The following DMXL1 variants were observed in gnomAD, a reference collection of about 807,000 sequenced individuals.
DMXL1 encodes the protein Dmx like 1, also known as dmX-like protein 1.
Under a neutral mutation model 319.2 loss-of-function variants are expected in DMXL1, and 99 were observed. The observed-to-expected ratio is 0.31, with a 90% CI of 0.26 to 0.37. DMXL1 has a LOEUF of 0.37. Ranked by LOEUF, DMXL1 falls within the 10% of genes least tolerant of loss-of-function variation. The probability of loss-of-function intolerance (pLI) is 1.00; values close to 1 mark genes in which losing one functional copy is unlikely to be tolerated. For missense variants in DMXL1, 3,745 were observed against 3,595.6 expected, an observed-to-expected ratio of 1.04 and a Z score of -1.06; for synonymous variants, 1,385 against 1,235.2, an observed-to-expected ratio of 1.12 and a Z score of -2.54.
At chr5:119,113,993 A>T (rs915055339) in intron 5 of DMXL1, among the ~76,000 whole-genome samples, 1 of 152,206 alleles carries the variant, frequency 6.6e-6, no homozygotes, top group Non-Finnish European at 1.5e-5. Context: ...TTGAGAAGAA[A>T]AGGCAAGTAT....
chr5:119,239,124 G>A, intron 41 of DMXL1, 44 bp downstream of exon 41: 1 of 1,595,384 alleles, frequency 6.3e-7, no homozygotes, highest in Non-Finnish European at 8.6e-7. Context: ...AAGTATAGCT[G>A]AACTTTTTTT....
intron 30 of DMXL1, 139 bp downstream of exon 30, chr5:119,194,109 T>G (rs1779182095): frequency 1.8e-6 from 1 of 556,154 alleles, no homozygotes; most frequent in Non-Finnish European, 2.9e-6. Flanking sequence ...GTTGAAATTG[T>G]TAAATTCCTT....
At chr5:119,213,791 G>C (rs527296233) in intron 34 of DMXL1, among the ~76,000 whole-genome samples, 4 of 152,210 alleles carry the variant, frequency 2.6e-5, no homozygotes, top group South Asian at 4.1e-4. Flanking sequence ...AGTCACCACT[G>C]ACTTCCAGTA....
At chr5:119,119,932 G>C (rs1425197569) in intron 8 of DMXL1, among the ~76,000 whole-genome samples, 1 of 151,974 alleles carries the variant, frequency 6.6e-6, no homozygotes, top group Non-Finnish European at 1.5e-5. Flanking sequence ...CCAGGATGGA[G>C]TGTAGTGGGG....
At chr5:119,112,425 TA>T (rs1360999818) in intron 5 of DMXL1, among the ~76,000 whole-genome samples, 2 of 152,132 alleles carry the variant, frequency 1.3e-5, no homozygotes, top group African/African-American at 4.8e-5. Context: ...TATGAACAGA[TA>T]GGGGTAGATA....
intron 39 of DMXL1, 81 bp downstream of exon 39, chr5:119,233,548 A>G: frequency 1.7e-6 from 2 of 1,193,480 alleles, no homozygotes; most frequent in Non-Finnish European, 2.4e-6. Context: ...TTCTGAAAAG[A>G]ACAGCTCCGT....
chr5:119,128,216 A>G (rs1303281801), intron 9 of DMXL1: 1 of 406,630 alleles, frequency 2.5e-6, no homozygotes, highest in Non-Finnish European at 4.7e-6. Context: ...GAATCTGGAT[A>G]CTCTGGAGAA....
At position 119,098,089 on chromosome 5, in the gene DMXL1, A is replaced by C. The variant is rs147588798; in HGVS notation, c.198A>C (p.Ser66=). 8.8e-6 allele frequency: 14 copies of C among 1,599,416 alleles called. No homozygotes were observed. Among genetic ancestry groups the C allele is most frequent in the Non-Finnish European group, 1.2e-5 (14 of 1,176,156 alleles). ...TTCAAGTGGGATGTGTAGACTGTTC[A>C]ATGCAACAAGGCAAGGTTTGTAATC... is the stretch of plus-strand genomic sequence containing the variant. ...GNIQVGCVDC[S]MQQGKIAASY... The change falls in exon 2 of 44, where the codon TCA becomes TCC. Residue 66 remains serine (S), a synonymous_variant. Coordinates refer to ENST00000539542, the MANE Select transcript of DMXL1 (RefSeq NM_001290321.3).
In DMXL1 at chr5:119,208,647, T is replaced by C. The variant is rs554476910; in HGVS notation, c.7926+1751T>C. The stretch of plus-strand genomic sequence containing the variant: ...AGTCTTTTTGAGGGGAGGGTTAACA[T>C]CATTTTGGCCAGCATTTTTCCAAGC... On this transcript the variant is annotated intron_variant, in intron 34 of 43. Coordinates refer to ENST00000539542, the MANE Select transcript of DMXL1 (RefSeq NM_001290321.3). Among the ~76,000 whole-genome samples the C allele has an allele frequency of 1.1e-4, 16 of 152,274 alleles. No individual in the cohort carries two copies. The South Asian group carries it at 2.5e-3, about 24-fold the overall frequency.
At chr5:119,073,954 C>T (rs1211581471) in intron 1 of DMXL1, among the ~76,000 whole-genome samples, 1 of 149,956 alleles carries the variant, frequency 6.7e-6, no homozygotes, top group Non-Finnish European at 1.5e-5. Context: ...GTTTCGCTGT[C>T]GTTGCCCAGG....
chr5:119,122,477 C>T lies in DMXL1; in HGVS notation c.1102+1338C>T, dbSNP rs577028919. On this transcript the variant is annotated intron_variant, in intron 9 of 43. Transcript: ENST00000539542. Reference sequence around the variant, plus strand: ...ACCTCCCTCCCAGACGGGGTGGCTGCCAGGCGGAGATGCTCCTCACTTCCC... The same window carrying T: ...ACCTCCCTCCCAGACGGGGTGGCTGTCAGGCGGAGATGCTCCTCACTTCCC... Among the ~76,000 whole-genome samples the T allele has an allele frequency of 1.7e-4, 26 of 151,498 alleles. 1 individual carries two copies. The highest frequency in any genetic ancestry group is 3.2e-4 in the Non-Finnish European group (22 of 67,698).
chr5:119,095,163 T>G (rs1284190507), intron 1 of DMXL1, among the ~76,000 whole-genome samples: 1 of 152,194 alleles, frequency 6.6e-6, no homozygotes, highest in Non-Finnish European at 1.5e-5. Flanking sequence ...CCAAGTTCAA[T>G]AATTTTATTT....
Position 119,121,029 on chromosome 5 carries a change from C to T in DMXL1, c.992C>T (p.Thr331Met), listed in dbSNP as rs529711694. The change falls in exon 9 of 44, where the codon ACG (threonine) becomes ATG (methionine). Residue 331 changes from threonine to methionine, a missense_variant. Thr to Met is a moderately conservative substitution (Grantham distance 81). Around this residue, in one of 4 missense-constraint regions of DMXL1, gnomAD observed 2,096 missense variants for 1,985.4 expected, o/e 1.06. Coordinates refer to ENST00000539542, the MANE Select transcript of DMXL1 (RefSeq NM_001290321.3). ...AGATCACTTGCTCTTGTAGCACATACGGGATATCTACCACATCAGCAGGAT... is the reference window on the plus strand; with the variant it reads ...AGATCACTTGCTCTTGTAGCACATATGGGATATCTACCACATCAGCAGGAT... ...RRRSLALVAH[T>M]GYLPHQQDPH... 8.1e-6 allele frequency: 13 copies of T among 1,613,618 alleles called. No homozygotes were observed. Among genetic ancestry groups the T allele is most frequent in the East Asian group, 4.5e-5 (2 of 44,866 alleles).
chr5:119,185,866 G>C (rs1777627649), intron 28 of DMXL1, among the ~76,000 whole-genome samples: 1 of 151,660 alleles, frequency 6.6e-6, no homozygotes, highest in Non-Finnish European at 1.5e-5. Context: ...TCAATTAATT[G>C]CTTCTTTAAT....
At chr5:119,125,066 C>A (rs1763218253) in intron 9 of DMXL1, among the ~76,000 whole-genome samples, 1 of 152,122 alleles carries the variant, frequency 6.6e-6, no homozygotes, top group Admixed American at 6.5e-5. Context: ...GCAATAGATA[C>A]ATTAAATTTA....
chr5:119,183,848 A>C (rs137963156), intron 28 of DMXL1, among the ~76,000 whole-genome samples: 4 of 152,360 alleles, frequency 2.6e-5, no homozygotes, highest in African/African-American at 9.6e-5. Flanking sequence ...CATTCATTTT[A>C]CAAATGAGTC....
intron 1 of DMXL1, among the ~76,000 whole-genome samples, chr5:119,073,721 T>C (rs539926535): frequency 1.2e-4 from 19 of 152,138 alleles, no homozygotes; most frequent in Non-Finnish European, 2.8e-4. Flanking sequence ...TTCAGCTCTC[T>C]TTAGTTTTGA....
chr5:119,106,197 C>A (rs574456177), intron 4 of DMXL1, among the ~76,000 whole-genome samples: 2 of 152,228 alleles, frequency 1.3e-5, no homozygotes, highest in East Asian at 3.9e-4. Flanking sequence ...CTTCTGTGGC[C>A]CTCTGTAGCA....
intron 41 of DMXL1, 125 bp from the exon 42 acceptor site, chr5:119,240,294 G>C: frequency 1.8e-6 from 1 of 564,168 alleles, no homozygotes; most frequent in East Asian, 2.9e-5. Context: ...ACTTGTATTT[G>C]TTGCTTTTAT....
Sources: allele counts gnomAD v4.1 joint callset (sites outside exome capture counted in the v4.1 genomes callset), GRCh38; gene constraint gnomAD v4.1.1; regional missense constraint gnomAD v4.1.1; transcripts MANE v1.5; gene names NCBI Gene and HGNC (gene_info 2026-07-23, HGNC 2026-07-21).